Variants in ADCY2 observed in about 807,000 individuals in gnomAD.
ADCY2 encodes adenylate cyclase 2.
Under a neutral mutation model 125.2 loss-of-function variants are expected in ADCY2, and 31 were observed. That is an observed-to-expected ratio of 0.25 (90% CI 0.19 to 0.33). ADCY2 has a LOEUF of 0.33. Among genes scored for constraint, ADCY2 ranks in the 10% least tolerant of loss-of-function variants. The pLI, the probability that ADCY2 is intolerant of heterozygous loss-of-function variation, is 1.00. For missense variants in ADCY2, 904 were observed against 1,418.2 expected (o/e 0.64, Z 5.82); for synonymous variants, 512 against 548.4 (o/e 0.93, Z 0.93).
At chr5:7,641,074 C>T (rs1038434615) in intron 4 of ADCY2, among the ~76,000 whole-genome samples, 1 of 152,174 alleles carries the variant, frequency 6.6e-6, no homozygotes, top group Non-Finnish European at 1.5e-5. Context: ...CTATGCCTTT[C>T]AAGGCAGGAG....
chr5:7,697,143 C>A (rs1311467157), intron 6 of ADCY2, among the ~76,000 whole-genome samples: 4 of 151,892 alleles, frequency 2.6e-5, no homozygotes, highest in Non-Finnish European at 4.4e-5. Flanking sequence ...TCCAGTTCTA[C>A]CTCCTCTTAA....
intron 4 of ADCY2, among the ~76,000 whole-genome samples, chr5:7,670,783 C>T (rs1488400958): frequency 6.6e-6 from 1 of 152,162 alleles, no homozygotes; most frequent in Non-Finnish European, 1.5e-5. Flanking sequence ...CTGTGAGAAT[C>T]TAATGCTGCC....
chr5:7,708,396 A>G (rs1197844914), intron 9 of ADCY2, among the ~76,000 whole-genome samples: 3 of 152,184 alleles, frequency 2.0e-5, no homozygotes, highest in African/African-American at 7.2e-5. Context: ...CCCCATACAA[A>G]CAGTGAGAAA....
At position 7,666,855 on chromosome 5, in the gene ADCY2, G is replaced by A. The variant is rs113039453; in HGVS notation, c.721-23836G>A. On this transcript the variant is annotated intron_variant, in intron 4 of 24. Coordinates refer to ENST00000338316, the MANE Select transcript of ADCY2 (RefSeq NM_020546.3). ...CCCTAGCAGTTGGTCTTCCCTCCGT[G>A]TGCTTGCGTTTTTCCCTGGAACATA... Among the ~76,000 whole-genome samples the A allele has an allele frequency of 7.2e-3, 1,090 of 152,250 alleles. 5 individuals carry two copies. Among genetic ancestry groups the A allele is most frequent in the Non-Finnish European group, 0.011 (771 of 68,022 alleles).
At chr5:7,755,120 G>C (rs1029577627) in intron 15 of ADCY2, among the ~76,000 whole-genome samples, 17 of 152,198 alleles carry the variant, frequency 1.1e-4, no homozygotes, top group Non-Finnish European at 2.4e-4. Flanking sequence ...TTAAGTAGAA[G>C]CGTCAAGTAC....
In ADCY2 at chr5:7,396,349, A is replaced by G. The variant is rs1215534854; in HGVS notation, c.53A>G (p.Glu18Gly). 1.9e-6 allele frequency: 3 copies of G among 1,541,102 alleles called. No homozygotes were observed. Among genetic ancestry groups the G allele is most frequent in the Admixed American group, 1.9e-5 (1 of 52,368 alleles). ...CGCTACCTGCGGGACCGCTCCGAGG[A>G]GGCGGCGGGCGGCGGAGACGGGCTG... ...RRRYLRDRSE[E>G]AAGGGDGLPR... The change falls in exon 1 of 25, where the codon GAG becomes GGG. Residue 18 changes from glutamate to glycine, a missense_variant. By Grantham distance (98) the Glu-to-Gly change is moderately conservative. Coordinates refer to ENST00000338316, the MANE Select transcript of ADCY2 (RefSeq NM_020546.3). The surrounding 1 kb of genome is among the most constrained non-coding windows in gnomAD (Gnocchi z 5.7).
chr5:7,819,018 T>G (rs1342411928), intron 23 of ADCY2, among the ~76,000 whole-genome samples: 1 of 152,058 alleles, frequency 6.6e-6, no homozygotes, highest in Non-Finnish European at 1.5e-5. Flanking sequence ...CCAGTCCGAG[T>G]CCCAAAGCTA....
At chr5:7,641,860 C>A (rs1738723047) in intron 4 of ADCY2, among the ~76,000 whole-genome samples, 1 of 152,062 alleles carries the variant, frequency 6.6e-6, no homozygotes, top group Non-Finnish European at 1.5e-5. Flanking sequence ...TGATTTTATT[C>A]TTTTTTATGG....
intron 22 of ADCY2, among the ~76,000 whole-genome samples, chr5:7,809,717 A>G (rs184815946): frequency 2.0e-4 from 30 of 152,352 alleles, no homozygotes; most frequent in African/African-American, 6.0e-4. Context: ...CCATGGAGAA[A>G]CAAGTGCACA....
At chr5:7,660,913 G>A (rs1286253977) in intron 4 of ADCY2, among the ~76,000 whole-genome samples, 1 of 152,212 alleles carries the variant, frequency 6.6e-6, no homozygotes, top group African/African-American at 2.4e-5. Flanking sequence ...GTAGCTATGG[G>A]AGGTGAGGAA....
intron 4 of ADCY2, among the ~76,000 whole-genome samples, chr5:7,674,151 T>C (rs1740036586): frequency 6.6e-6 from 1 of 152,172 alleles, no homozygotes; most frequent in African/African-American, 2.4e-5. Context: ...CCCCACGGCA[T>C]CACTCCTTGC....
At chr5:7,772,768 T>C (rs1274309116) in intron 17 of ADCY2, among the ~76,000 whole-genome samples, 164 bp from the exon 18 acceptor site, 1 of 151,586 alleles carries the variant, frequency 6.6e-6, no homozygotes, top group East Asian at 1.9e-4. Context: ...ATTTAACATA[T>C]CCAGGCATTT....
chr5:7,618,254 A>G (rs924892274), intron 3 of ADCY2, among the ~76,000 whole-genome samples: 1 of 152,160 alleles, frequency 6.6e-6, no homozygotes, highest in Non-Finnish European at 1.5e-5. Flanking sequence ...GTTTAGGCCC[A>G]TATCCTTTCA....
At chr5:7,587,630 C>T (rs1048677667) in intron 3 of ADCY2, among the ~76,000 whole-genome samples, 25 of 152,112 alleles carry the variant, frequency 1.6e-4, no homozygotes, top group East Asian at 1.3e-3. Flanking sequence ...AATGTGGTAG[C>T]GGATTAAAAC....
chr5:7,761,558 C>T (rs149573738), intron 16 of ADCY2, among the ~76,000 whole-genome samples: 1,673 of 151,880 alleles, frequency 0.011, 15 homozygotes, highest in Admixed American at 0.017. Context: ...TTTCACATGC[C>T]CTAGGAAAGT....
intron 11 of ADCY2, 90 bp from the exon 12 acceptor site, chr5:7,717,067 G>A: frequency 1.3e-6 from 1 of 764,052 alleles, no homozygotes; most frequent in East Asian, 2.7e-5. Flanking sequence ...ATCTCATAAG[G>A]ATGTAAAATA....
intron 4 of ADCY2, among the ~76,000 whole-genome samples, chr5:7,680,157 AC>A (rs909444597): frequency 4.6e-5 from 7 of 151,998 alleles, no homozygotes; most frequent in African/African-American, 1.7e-4. Flanking sequence ...GGAGACTGTT[AC>A]CCCCCAGGAA....
chr5:7,658,926 C>T lies in ADCY2; in HGVS notation c.721-31765C>T, dbSNP rs72710485. On this transcript the variant is annotated intron_variant, in intron 4 of 24. Transcript: ENST00000338316. Reference sequence around the variant, plus strand: ...TAGGAAGAACAATTTGATTTATCACCAATTTAAATGCTCATTTCATCCAAA... The same window carrying T: ...TAGGAAGAACAATTTGATTTATCACTAATTTAAATGCTCATTTCATCCAAA... Among the ~76,000 whole-genome samples the T allele has an allele frequency of 5.5e-3, 841 of 152,202 alleles. 7 individuals are homozygous for T. Among genetic ancestry groups the T allele is most frequent in the Middle Eastern group, 0.014 (4 of 294 alleles).
chr5:7,596,731 G>A (rs1330575829), intron 3 of ADCY2, among the ~76,000 whole-genome samples: 1 of 152,156 alleles, frequency 6.6e-6, no homozygotes, highest in African/African-American at 2.4e-5. Flanking sequence ...TACCCCACCT[G>A]TGTTGTTGCT....
Sources: gnomAD v4.1 joint callset for allele counts (sites outside exome capture counted in the v4.1 genomes callset) on GRCh38, gnomAD v4.1.1 for gene constraint, Gnocchi (gnomAD v3.1) non-coding constraint, MANE v1.5 for transcripts, NCBI Gene and HGNC (gene_info 2026-07-23, HGNC 2026-07-21) for gene names.